The following ANKIB1 variants were observed in gnomAD, a reference collection of about 807,000 sequenced individuals.
ANKIB1 encodes the protein ankyrin repeat and IBR domain containing 1, also known as ankyrin repeat and IBR domain-containing protein 1.
A neutral mutation model predicts 122.1 loss-of-function variants in ANKIB1; 43 were observed. The ratio of observed to expected loss-of-function variants is 0.35; its 90% CI spans 0.28 to 0.45. The LOEUF (loss-of-function observed/expected upper bound fraction) is 0.45, where lower values mean the gene tolerates loss of function less well. ANKIB1 is among the 20% of genes least tolerant of loss of function. The pLI is 1.00. For synonymous variants in ANKIB1, 390 were observed against 442.0 expected (o/e 0.88, Z 1.48); for missense variants, 992 against 1,329.5 (o/e 0.75, Z 3.95).
chr7:92,288,035 C>CAAAAA (rs35766675), intron 1 of ANKIB1, among the ~76,000 whole-genome samples: 5 of 90,162 alleles, frequency 5.5e-5, no homozygotes, highest in Non-Finnish European at 6.5e-5. Context: ...GACTCCGTCT[C>CAAAAA]AAAAAAAAAA....
chr7:92,314,868 G>A (rs779494748), intron 3 of ANKIB1, among the ~76,000 whole-genome samples: 16 of 152,140 alleles, frequency 1.1e-4, no homozygotes, highest in Non-Finnish European at 2.1e-4. Context: ...AGATTAATGC[G>A]CTAATTCTAT....
chr7:92,331,517 G>A (rs1803173650), intron 5 of ANKIB1, among the ~76,000 whole-genome samples: 2 of 151,826 alleles, frequency 1.3e-5, no homozygotes, highest in South Asian at 2.1e-4. Flanking sequence ...CAAGTGATCC[G>A]CCTGCCTCGG....
chr7:92,287,610 A>G (rs749790909), intron 1 of ANKIB1, among the ~76,000 whole-genome samples: 4 of 152,160 alleles, frequency 2.6e-5, no homozygotes, highest in African/African-American at 4.8e-5. Flanking sequence ...TAATTATGAA[A>G]TATCTTGGGG....
intron 2 of ANKIB1, among the ~76,000 whole-genome samples, chr7:92,306,175 A>G (rs1321532882): frequency 2.6e-5 from 4 of 152,104 alleles, no homozygotes; most frequent in African/African-American, 4.8e-5. Flanking sequence ...AGTGCCACAA[A>G]TTAGTGGCTT....
chr7:92,309,942 A>AAAAAAAAAAATATATATAT (rs1335765681), intron 3 of ANKIB1, among the ~76,000 whole-genome samples: 1 of 91,790 alleles, frequency 1.1e-5, no homozygotes, highest in African/African-American at 4.8e-5. Context: ...AAAAAAAAAA[A>AAAAAAAAAAATATATATAT]ATATATATAT....
In ANKIB1 at chr7:92,397,482, T is replaced by C. The variant is rs1804924178; in HGVS notation, c.2396-241T>C. Among the ~76,000 whole-genome samples the C allele has an allele frequency of 1.4e-5, 2 of 148,066 alleles. 1 individual carries two copies. The highest frequency in any genetic ancestry group is 4.3e-4 in the South Asian group (2 of 4,704). ...GCTAGGTCGACAAAGCAAGACTCCA[T>C]CTCAAAAAAAAAAAAAAGTAAAAAG... On this transcript the variant is annotated intron_variant, in intron 18 of 19. Coordinates refer to ENST00000265742, the MANE Select transcript of ANKIB1 (RefSeq NM_019004.2).
intron 1 of ANKIB1, among the ~76,000 whole-genome samples, chr7:92,277,793 A>G (rs1463707078): frequency 6.6e-6 from 1 of 152,000 alleles, no homozygotes; most frequent in African/African-American, 2.4e-5. Context: ...CTAAAAATAA[A>G]AAAAAATAGG....
Position 92,399,096 on chromosome 7 carries a change from G to T in ANKIB1, c.*147G>T. The T allele has an allele frequency of 2.5e-6, 2 of 805,422 alleles. No individual in the cohort carries two copies. The highest frequency in any genetic ancestry group is 3.5e-6 in the Non-Finnish European group (2 of 578,830). The allele number at this position is 805,422 out of a possible 1,614,324, so 49.9% of individuals were successfully genotyped here. A position where few individuals can be genotyped will look rare whatever the true frequency, so the allele number is the denominator to read the frequency against. ...TGAATACAGAGAAGTTCCCTTGAAT[G>T]GTAGCTTCATTTTTTATTTTAACCT... On this transcript the variant is annotated 3_prime_UTR_variant, in exon 20 of 20. Transcript: ENST00000265742.
At chr7:92,312,921 G>C (rs1234954877) in intron 3 of ANKIB1, among the ~76,000 whole-genome samples, 1 of 152,150 alleles carries the variant, frequency 6.6e-6, no homozygotes, top group Non-Finnish European at 1.5e-5. Flanking sequence ...GAATGGACTT[G>C]AGAGGGGTGG....
In ANKIB1 at chr7:92,352,645, T is replaced by C. The variant is rs747398058; in HGVS notation, c.1397+3T>C. The C allele has an allele frequency of 6.2e-7, 1 of 1,606,660 alleles. No individual in the cohort carries two copies. Among genetic ancestry groups the C allele is most frequent in the Non-Finnish European group, 8.5e-7 (1 of 1,178,216 alleles). On this transcript the variant is annotated splice_donor_region_variant and intron_variant, in intron 9 of 19. Coordinates refer to ENST00000265742, the MANE Select transcript of ANKIB1 (RefSeq NM_019004.2). Reference sequence around the variant, plus strand: ...GGAAAAGGACACCTCTTCTGCTGGTTAGTATAAGACAAGTTGGAATCAGCC... The same window carrying C: ...GGAAAAGGACACCTCTTCTGCTGGTCAGTATAAGACAAGTTGGAATCAGCC...
At chr7:92,254,411 T>G (rs1801394992) in intron 1 of ANKIB1, among the ~76,000 whole-genome samples, 1 of 152,238 alleles carries the variant, frequency 6.6e-6, no homozygotes. Flanking sequence ...TACTTAATGC[T>G]AAATTATTTT....
rs1804990089 is a variant in ANKIB1, at chr7:92,400,345, G to A, written c.*1396G>A. On this transcript the variant is annotated 3_prime_UTR_variant, in exon 20 of 20. Transcript: ENST00000265742. ...TGTAATTAGGATACAATGGTACAGT[G>A]TGTAATTAAAACTAGAGTAAACTGT... is the stretch of plus-strand genomic sequence containing the variant. 6.6e-6 allele frequency: 1 copy of A among 152,194 alleles called. No homozygotes were observed. The highest frequency in any genetic ancestry group is 3.2e-3 in the Middle Eastern group (1 of 316). 9.4% of individuals were successfully genotyped at this position (152,194 alleles called of 1,614,324 possible).
chr7:92,371,383 A>G (rs1334425803), intron 10 of ANKIB1, 94 bp from the exon 11 acceptor site: 10 of 1,045,446 alleles, frequency 9.6e-6, no homozygotes, highest in Non-Finnish European at 1.4e-5. Context: ...AAATTGAGAG[A>G]CAGCCTGCAA....
chr7:92,368,862 A>G (rs1005029231), intron 10 of ANKIB1, among the ~76,000 whole-genome samples: 1 of 152,226 alleles, frequency 6.6e-6, no homozygotes, highest in Non-Finnish European at 1.5e-5. Flanking sequence ...TACTTCATGC[A>G]GTTCACTAAA....
intron 6 of ANKIB1, among the ~76,000 whole-genome samples, chr7:92,344,193 G>GTTTTTTTTTT (rs67933063): frequency 5.1e-5 from 5 of 97,682 alleles, no homozygotes; most frequent in Admixed American, 1.1e-4. Flanking sequence ...TGTGTTTTTG[G>GTTTTTTTTTT]TTTTTTTTTT....
chr7:92,309,942 A>AAAAAAAAAAATATATATATATATATAT, intron 3 of ANKIB1, among the ~76,000 whole-genome samples: 1 of 91,786 alleles, frequency 1.1e-5, no homozygotes, highest in African/African-American at 4.8e-5. Context: ...AAAAAAAAAA[A>AAAAAAAAAAATATATATATATATATAT]ATATATATAT....
rs1409654171 is a variant in ANKIB1, at chr7:92,400,623, G to A, written c.*1674G>A. 6.6e-6 allele frequency: 1 copy of A among 150,900 alleles called. No individual in the cohort carries two copies. Among genetic ancestry groups the A allele is most frequent in the African/African-American group, 2.4e-5 (1 of 40,992 alleles). The allele number at this position is 150,900 out of a possible 1,614,324, so 9.3% of individuals were successfully genotyped here. A position where few individuals can be genotyped will look rare whatever the true frequency, so the allele number is the denominator to read the frequency against. On this transcript the variant is annotated 3_prime_UTR_variant, in exon 20 of 20. Coordinates refer to ENST00000265742, the MANE Select transcript of ANKIB1 (RefSeq NM_019004.2). ...CAAACCCTGCTTTTGAAATATCCTTGTACTTAAAATTCATATTGCTAAGAC... is the reference window on the plus strand; with the variant it reads ...CAAACCCTGCTTTTGAAATATCCTTATACTTAAAATTCATATTGCTAAGAC...
chr7:92,304,824 T>C (rs1357110670), intron 2 of ANKIB1, among the ~76,000 whole-genome samples: 4 of 152,124 alleles, frequency 2.6e-5, no homozygotes, highest in Admixed American at 2.0e-4. Context: ...AGGGAAAATA[T>C]ATATTTTAAC....
intron 1 of ANKIB1, among the ~76,000 whole-genome samples, chr7:92,273,290 C>G (rs566451348): frequency 1.3e-5 from 2 of 152,278 alleles, no homozygotes; most frequent in Admixed American, 6.5e-5. Context: ...CAGCTGAACT[C>G]AGATAGGATG....
Sources: allele counts gnomAD v4.1 joint callset (sites outside exome capture counted in the v4.1 genomes callset), GRCh38; gene constraint gnomAD v4.1.1; transcripts MANE v1.5; gene names NCBI Gene and HGNC (gene_info 2026-07-23, HGNC 2026-07-21).